NCAM1: variants seen among roughly 807,000 people sequenced by gnomAD.
The protein encoded by NCAM1 is antigen recognized by monoclonal antibody 5.1H11.
A neutral mutation model predicts 109.8 loss-of-function variants in NCAM1; 14 were observed. That is an observed-to-expected ratio of 0.13 (90% CI 0.08 to 0.20). The LOEUF (loss-of-function observed/expected upper bound fraction) is 0.20, where lower values mean the gene tolerates loss of function less well. Ranked by LOEUF, NCAM1 falls within the 10% of genes least tolerant of loss-of-function variation. The pLI, the probability that NCAM1 is intolerant of heterozygous loss-of-function variation, is 1.00. For missense variants in NCAM1, 774 were observed against 1,109.9 expected, an observed-to-expected ratio of 0.70 and a Z score of 4.30; for synonymous variants, 418 against 442.9, an observed-to-expected ratio of 0.94 and a Z score of 0.70.
At chr11:113,230,242 C>G (rs1271242707) in intron 9 of NCAM1, among the ~76,000 whole-genome samples, 1 of 152,168 alleles carries the variant, frequency 6.6e-6, no homozygotes, top group Non-Finnish European at 1.5e-5. Context: ...GTGGCATCTC[C>G]TGGGATGCAT....
intron 1 of NCAM1, among the ~76,000 whole-genome samples, chr11:112,972,627 AT>A (rs1363291819): frequency 6.6e-6 from 1 of 152,182 alleles, no homozygotes; most frequent in Non-Finnish European, 1.5e-5. Context: ...GTTTTTGATA[AT>A]GAGCACATAT....
chr11:113,150,374 T>C (rs1295697909), intron 1 of NCAM1, among the ~76,000 whole-genome samples: 1 of 152,214 alleles, frequency 6.6e-6, no homozygotes, highest in Non-Finnish European at 1.5e-5. Context: ...GCCCTGTCTA[T>C]ATGGAAACTG....
At chr11:113,090,785 G>A (rs1423595877) in intron 1 of NCAM1, among the ~76,000 whole-genome samples, 1 of 152,182 alleles carries the variant, frequency 6.6e-6, no homozygotes, top group African/African-American at 2.4e-5. Flanking sequence ...AGCACTTCTA[G>A]GCATAGTTTG....
chr11:113,211,913 G>C (rs1944400853), intron 7 of NCAM1, among the ~76,000 whole-genome samples: 1 of 152,194 alleles, frequency 6.6e-6, no homozygotes, highest in South Asian at 2.1e-4. Context: ...GGAACAGTCT[G>C]AGGCACTAAG....
intron 1 of NCAM1, among the ~76,000 whole-genome samples, chr11:113,008,981 A>T (rs1003544128): frequency 1.3e-5 from 2 of 152,084 alleles, no homozygotes; most frequent in African/African-American, 4.8e-5. Context: ...TGTTTTTCTG[A>T]CCGATCTCCC....
At chr11:113,185,085 G>GT (rs1565485459) in intron 1 of NCAM1, among the ~76,000 whole-genome samples, 1,407 of 113,124 alleles carry the variant, frequency 0.012, 30 homozygotes, top group African/African-American at 0.049. Context: ...TATATAGAGA[G>GT]AGAGAGAGAG....
rs56841849 is a variant in NCAM1 at position 113,274,647 on chromosome 11, C to A, written c.2457-620C>A. ...CCCACTCAGCTGCCCTCAACTCTCG[C>A]ATAGCCACCAGGCCCACTCTAGTAC... On this transcript the variant is annotated intron_variant, in intron 19 of 19. Coordinates refer to ENST00000316851, the MANE Select transcript of NCAM1 (RefSeq NM_181351.5). The surrounding 1 kb of genome is among the most constrained non-coding windows in gnomAD (Gnocchi z 4.1). Among the ~76,000 whole-genome samples the A allele has an allele frequency of 2.3e-3, 356 of 152,326 alleles. 3 individuals carry two copies. The highest frequency in any genetic ancestry group is 8.1e-3 in the African/African-American group (338 of 41,578).
intron 9 of NCAM1, 59 bp from the exon 10 acceptor site, chr11:113,231,586 T>C (rs1381491948): frequency 2.6e-5 from 40 of 1,553,194 alleles, no homozygotes; most frequent in Non-Finnish European, 3.4e-5. Context: ...GCCATAGCAC[T>C]GTTGCCCTTC....
At chr11:113,249,298 T>C in intron 15 of NCAM1, among the ~76,000 whole-genome samples, 1 of 152,218 alleles carries the variant, frequency 6.6e-6, no homozygotes, top group East Asian at 1.9e-4. Context: ...ACACAGACTT[T>C]TCACCAGGGT....
chr11:113,263,232 A>G lies in NCAM1; in HGVS notation c.2131+2909A>G, dbSNP rs1001614890. On this transcript the variant is annotated intron_variant, in intron 17 of 19. Coordinates refer to ENST00000316851, the MANE Select transcript of NCAM1 (RefSeq NM_181351.5). Reference sequence around the variant, plus strand: ...GCTAGATTTACAGAGAAGTTTCTGCATATCTGCTACTTGTTGCATTTTGGG... The same window carrying G: ...GCTAGATTTACAGAGAAGTTTCTGCGTATCTGCTACTTGTTGCATTTTGGG... The G allele has an allele frequency of 6.5e-6, 7 of 1,071,092 alleles. No homozygotes were observed. In the South Asian group the frequency reaches 2.5e-4, roughly 38 times the overall value. 66.3% of individuals were successfully genotyped at this position (1,071,092 alleles called of 1,614,324 possible).
intron 1 of NCAM1, among the ~76,000 whole-genome samples, chr11:113,085,607 G>C (rs964073846): frequency 6.6e-6 from 1 of 152,136 alleles, no homozygotes. Flanking sequence ...TCACCAGGCA[G>C]GATACAGTTT....
At chr11:113,245,061 T>C (rs1367124522) in intron 14 of NCAM1, among the ~76,000 whole-genome samples, 1 of 151,834 alleles carries the variant, frequency 6.6e-6, no homozygotes, top group Non-Finnish European at 1.5e-5. Context: ...AGTCACAACA[T>C]AGGACCAAAA....
intron 1 of NCAM1, among the ~76,000 whole-genome samples, chr11:113,135,105 T>C (rs931620438): frequency 4.6e-4 from 70 of 151,982 alleles, no homozygotes; most frequent in African/African-American, 1.6e-3. Context: ...GTGAGAATAG[T>C]GGAAAGGGTG....
At chr11:113,206,303 A>T in intron 5 of NCAM1, 123 bp downstream of exon 5, 1 of 981,132 alleles carries the variant, frequency 1.0e-6, no homozygotes, top group Non-Finnish European at 1.4e-6. Flanking sequence ...CATCCGTCTG[A>T]GCTAAATCCC....
intron 17 of NCAM1, among the ~76,000 whole-genome samples, chr11:113,266,866 T>C (rs1555124470): frequency 6.6e-6 from 1 of 152,152 alleles, no homozygotes; most frequent in Non-Finnish European, 1.5e-5. Flanking sequence ...TGCCAGGCAG[T>C]GTAGAATGTA....
intron 1 of NCAM1, among the ~76,000 whole-genome samples, chr11:113,126,635 A>G (rs1469424916): frequency 6.6e-6 from 1 of 152,222 alleles, no homozygotes; most frequent in African/African-American, 2.4e-5. Context: ...CAAATTATCG[A>G]GTTTCTCTTG....
chr11:112,967,101 G>A (rs545465158), intron 1 of NCAM1, among the ~76,000 whole-genome samples: 20 of 152,172 alleles, frequency 1.3e-4, no homozygotes, highest in African/African-American at 4.8e-4. Context: ...ATTCCACTTC[G>A]TACTCTGAGG....
At chr11:113,213,330 C>T (rs145530821) in intron 7 of NCAM1, among the ~76,000 whole-genome samples, 110 of 152,306 alleles carry the variant, frequency 7.2e-4, no homozygotes, top group African/African-American at 2.5e-3. Flanking sequence ...ACACAAAGTT[C>T]AGCAATTTCA....
intron 1 of NCAM1, among the ~76,000 whole-genome samples, chr11:113,045,202 C>T (rs144882901): frequency 6.6e-6 from 1 of 152,320 alleles, no homozygotes; most frequent in East Asian, 1.9e-4. Context: ...TATAAACATT[C>T]TCCCAGGACA....
Sources: gnomAD v4.1 joint callset for allele counts (sites outside exome capture counted in the v4.1 genomes callset) on GRCh38, gnomAD v4.1.1 for gene constraint, Gnocchi (gnomAD v3.1) non-coding constraint, MANE v1.5 for transcripts, NCBI Gene and HGNC (gene_info 2026-07-23, HGNC 2026-07-21) for gene names.